R3HDM1: variants seen among roughly 807,000 people sequenced by gnomAD.
The protein encoded by R3HDM1 is R3H domain containing 1, also known as R3H domain-containing protein 1.
A neutral mutation model predicts 141.1 loss-of-function variants in R3HDM1; 46 were observed. The ratio of observed to expected loss-of-function variants is 0.33; its 90% CI spans 0.26 to 0.42. The LOEUF (loss-of-function observed/expected upper bound fraction) is 0.42. Ranked by LOEUF, R3HDM1 falls within the 10% of genes least tolerant of loss-of-function variation. The pLI, the probability that R3HDM1 is intolerant of heterozygous loss-of-function variation, is 1.00. For missense variants in R3HDM1, 1,184 were observed against 1,368.3 expected, an observed-to-expected ratio of 0.87 and a Z score of 2.12; for synonymous variants, 435 against 472.9, an observed-to-expected ratio of 0.92 and a Z score of 1.04.
intron 19 of R3HDM1, among the ~76,000 whole-genome samples, chr2:135,674,805 C>G (rs1294914074): frequency 2.0e-5 from 3 of 151,888 alleles, no homozygotes; most frequent in African/African-American, 7.3e-5. Context: ...TCAAAAGTGG[C>G]TCTCTCCCCT....
chr2:135,601,314 A>G (rs2105099800), intron 1 of R3HDM1, among the ~76,000 whole-genome samples: 1 of 152,292 alleles, frequency 6.6e-6, no homozygotes, highest in East Asian at 1.9e-4. Flanking sequence ...TGTGTCAAAC[A>G]TTGTGAAATC....
rs541947719 is a variant in R3HDM1 at position 135,546,764 on chromosome 2, C to T, written c.-250+15131C>T. 3.3e-5 allele frequency among the ~76,000 whole-genome samples: 5 copies of T among 152,116 alleles called. No individual in the cohort carries two copies. The East Asian group carries it at 5.8e-4, about 18-fold the overall frequency. Reference sequence around the variant, plus strand: ...TTGGCTCACTGCAACCTCCACCTCCCGGATTCAGGACATTCTCCTGCCTCA... The same window carrying T: ...TTGGCTCACTGCAACCTCCACCTCCTGGATTCAGGACATTCTCCTGCCTCA... On this transcript the variant is annotated intron_variant, in intron 1 of 26. Coordinates refer to ENST00000683871, the MANE Select transcript of R3HDM1 (RefSeq NM_001378107.1).
chr2:135,590,227 T>C (rs1483323855), intron 1 of R3HDM1, among the ~76,000 whole-genome samples: 1 of 152,158 alleles, frequency 6.6e-6, no homozygotes, highest in Non-Finnish European at 1.5e-5. Flanking sequence ...AGCAGACACA[T>C]CAACAGAGAT....
intron 21 of R3HDM1, among the ~76,000 whole-genome samples, chr2:135,706,996 C>T (rs2075023238): frequency 6.6e-6 from 1 of 151,656 alleles, no homozygotes; most frequent in African/African-American, 2.4e-5. Context: ...GGCGGCTGGC[C>T]GGGCGGGGGG....
intron 20 of R3HDM1, 44 bp from the exon 21 acceptor site, chr2:135,680,129 T>G (rs1163703083): frequency 6.3e-7 from 1 of 1,585,274 alleles, no homozygotes; most frequent in Admixed American, 1.7e-5. Context: ...TTACAAGGCC[T>G]TGAAAAAAAC....
intron 1 of R3HDM1, among the ~76,000 whole-genome samples, chr2:135,532,823 T>C (rs1488930687): frequency 6.6e-6 from 1 of 152,234 alleles, no homozygotes; most frequent in Non-Finnish European, 1.5e-5. Flanking sequence ...TTATGATTTC[T>C]TCATCACATT....
At chr2:135,704,891 A>G (rs1328448069) in intron 21 of R3HDM1, among the ~76,000 whole-genome samples, 1 of 152,244 alleles carries the variant, frequency 6.6e-6, no homozygotes, top group South Asian at 2.1e-4. Context: ...TTATGAATAT[A>G]CAATAATATA....
intron 7 of R3HDM1, among the ~76,000 whole-genome samples, chr2:135,630,299 A>AAAAAC (rs2062561269): frequency 2.0e-5 from 3 of 146,634 alleles, no homozygotes; most frequent in African/African-American, 8.0e-5. Context: ...AAAAAAAAAA[A>AAAAAC]AAAAAAAAAC....
intron 1 of R3HDM1, chr2:135,566,895 T>C (rs4954266): frequency 0.14 from 55,830 of 385,642 alleles, 10,310 homozygotes; most frequent in African/African-American, 0.6. Flanking sequence ...TCACTTGAAC[T>C]TGGGAGGCAG....
intron 2 of R3HDM1, 94 bp downstream of exon 2, chr2:135,602,802 C>G: frequency 1.9e-6 from 2 of 1,039,864 alleles, no homozygotes; most frequent in Admixed American, 7.2e-5. Flanking sequence ...ACTTCACCAC[C>G]CTCTCCCTAC....
intron 21 of R3HDM1, 87 bp from the exon 22 acceptor site, chr2:135,709,346 T>A: frequency 6.5e-7 from 1 of 1,545,242 alleles, no homozygotes. Flanking sequence ...GTGCTGGGAT[T>A]ACAGGCGTGA....
chr2:135,603,308 G>A (rs2059772934), intron 2 of R3HDM1, among the ~76,000 whole-genome samples: 2 of 152,036 alleles, frequency 1.3e-5, no homozygotes, highest in South Asian at 2.1e-4. Flanking sequence ...CATTTAGATT[G>A]CAAAACATTC....
intron 18 of R3HDM1, among the ~76,000 whole-genome samples, chr2:135,659,991 T>C (rs567079221): frequency 5.3e-5 from 8 of 152,286 alleles, no homozygotes; most frequent in Admixed American, 3.9e-4. Context: ...GACCAAAATG[T>C]CACTTTGTGA....
At chr2:135,612,527 C>T (rs534975733) in intron 3 of R3HDM1, among the ~76,000 whole-genome samples, 3 of 151,924 alleles carry the variant, frequency 2.0e-5, no homozygotes, top group Non-Finnish European at 4.4e-5. Context: ...ACTCTGACAA[C>T]GTATTAGTAT....
intron 1 of R3HDM1, among the ~76,000 whole-genome samples, chr2:135,565,410 T>G (rs972051951): frequency 6.7e-6 from 1 of 150,332 alleles, no homozygotes; most frequent in Non-Finnish European, 1.5e-5. Flanking sequence ...TGGACTGGAC[T>G]TAAACTTCTG....
chr2:135,642,593 C>G (rs2063918323), intron 15 of R3HDM1, among the ~76,000 whole-genome samples: 1 of 151,978 alleles, frequency 6.6e-6, no homozygotes, highest in African/African-American at 2.4e-5. Context: ...ATAGCATAGC[C>G]CAGTCATTTG....
intron 1 of R3HDM1, among the ~76,000 whole-genome samples, chr2:135,551,061 T>G (rs1276431639): frequency 6.6e-6 from 1 of 152,252 alleles, no homozygotes; most frequent in African/African-American, 2.4e-5. Flanking sequence ...CTATACCATG[T>G]AATCCAAATT....
intron 1 of R3HDM1, chr2:135,577,041 A>G (rs1559155945): frequency 5.4e-5 from 47 of 868,640 alleles, no homozygotes; most frequent in East Asian, 1.2e-4. Context: ...AGCTGTTACA[A>G]AAGAAAAAAA....
intron 1 of R3HDM1, among the ~76,000 whole-genome samples, chr2:135,568,120 A>G (rs1244661045): frequency 1.3e-5 from 2 of 151,010 alleles, no homozygotes; most frequent in Admixed American, 6.6e-5. Context: ...CAGTGGTTCA[A>G]TCACGCCTCA....
Sources: gnomAD v4.1 joint callset for allele counts (sites outside exome capture counted in the v4.1 genomes callset) on GRCh38, gnomAD v4.1.1 for gene constraint, MANE v1.5 for transcripts, NCBI Gene and HGNC (gene_info 2026-07-23, HGNC 2026-07-21) for gene names.